Variants in MIDEAS observed in about 807,000 individuals in gnomAD.
The protein encoded by MIDEAS is mitotic deacetylase associated SANT domain protein.
A neutral mutation model predicts 102.7 loss-of-function variants in MIDEAS; 26 were observed. The observed-to-expected ratio is 0.25, with a 90% CI of 0.19 to 0.35. The LOEUF is 0.35. MIDEAS is among the 10% of genes least tolerant of loss of function. The probability of loss-of-function intolerance (pLI) is 1.00; values close to 1 mark genes in which losing one functional copy is unlikely to be tolerated. For synonymous variants in MIDEAS, 585 were observed against 591.0 expected (o/e 0.99, Z 0.15); for missense variants, 1,231 against 1,435.6 (o/e 0.86, Z 2.30).
In MIDEAS at chr14:73,739,238, C is replaced by CTGCTGCTGT. The variant is rs756007023; in HGVS notation, c.762_770dup (p.Gln260_Gln262dup). 5,328 of 1,612,290 alleles carry CTGCTGCTGT rather than the reference C, an allele frequency of 3.3e-3. 75 individuals carry two copies. In the Admixed American group the frequency reaches 0.056, roughly 17 times the overall value. On this transcript the variant is annotated inframe_insertion, in exon 2 of 13. Transcript: ENST00000423556. ...GTAGGGCTGCCTGCTGCTGCTGCTG[C>CTGCTGCTGT]TGCTGCTGTGGTTGCTGCTGCTGCT... is the stretch of plus-strand genomic sequence containing the variant.
At chr14:73,761,094 T>C (rs1344561969), upstream of MIDEAS, among the ~76,000 whole-genome samples, 2 of 151,726 alleles carry the variant, frequency 1.3e-5, no homozygotes, top group Non-Finnish European at 2.9e-5. Flanking sequence ...GTGGTGGTGG[T>C]GGCGGCGGCG....
intron 3 of MIDEAS, among the ~76,000 whole-genome samples, chr14:73,736,609 T>C (rs7401013): frequency 0.81 from 121,135 of 149,960 alleles, 49,311 homozygotes; most frequent in East Asian, 0.94. Flanking sequence ...CCAGCCTGGG[T>C]GACAGAGCAA....
intron 1 of MIDEAS, among the ~76,000 whole-genome samples, chr14:73,741,072 G>A (rs2053275524): frequency 6.6e-6 from 1 of 152,220 alleles, no homozygotes; most frequent in African/African-American, 2.4e-5. Flanking sequence ...GCCAAGAGCT[G>A]GTCAGCAGCT....
upstream of MIDEAS, among the ~76,000 whole-genome samples, chr14:73,764,461 TC>T (rs747504125): frequency 3.8e-4 from 58 of 152,216 alleles, no homozygotes; most frequent in African/African-American, 1.3e-3. Flanking sequence ...AGAGACTTTT[TC>T]TGGCATTGAC....
At chr14:73,779,124 T>A (rs2053721532) in intron 1 of MIDEAS, among the ~76,000 whole-genome samples, 1 of 151,818 alleles carries the variant, frequency 6.6e-6, no homozygotes, top group African/African-American at 2.4e-5. Flanking sequence ...GGTTGGCGCA[T>A]GCCTGTAATC....
intron 1 of MIDEAS, chr14:73,754,815 A>T (rs1405372504): frequency 2.0e-5 from 3 of 152,192 alleles, no homozygotes; most frequent in Non-Finnish European, 2.9e-5. Flanking sequence ...TACCTACTAA[A>T]GAAATGGCAA....
At chr14:73,727,251 T>A (rs2053074561) in intron 5 of MIDEAS, 1 of 642,798 alleles carries the variant, frequency 1.6e-6, no homozygotes, top group Non-Finnish European at 2.7e-6. Flanking sequence ...AAGTTCAAGC[T>A]GAGCCGGTCC....
At chr14:73,731,576 G>A (rs2053140437) in intron 3 of MIDEAS, among the ~76,000 whole-genome samples, 2 of 152,180 alleles carry the variant, frequency 1.3e-5, no homozygotes, top group South Asian at 2.1e-4. Context: ...TTATAATAAG[G>A]GATTTAAACT....
At position 73,771,177 on chromosome 14, in the gene MIDEAS, A is replaced by C. The variant is rs572114262; in HGVS notation, c.-248+15925T>G. Among the ~76,000 whole-genome samples, 6 of 152,284 alleles carry C rather than the reference A, an allele frequency of 3.9e-5. No homozygotes were observed. The South Asian group carries it at 1.2e-3, about 32-fold the overall frequency. On this transcript the variant is annotated intron_variant, in intron 1 of 11. Transcript: ENST00000394071. The stretch of plus-strand genomic sequence containing the variant: ...TCTCCATTTTCTCTCTGACCCTGGC[A>C]CACCTCCAGCCACAAGGTCCTACTT...
At chr14:73,738,451 G>A in intron 2 of MIDEAS, 109 bp downstream of exon 2, 1 of 1,351,442 alleles carries the variant, frequency 7.4e-7, no homozygotes, top group Non-Finnish European at 9.8e-7. Context: ...ACAGGCAGCT[G>A]GCTAGGGCAA....
intron 7 of MIDEAS, 117 bp from the exon 8 acceptor site, chr14:73,726,225 C>T: frequency 1.2e-6 from 1 of 865,066 alleles, no homozygotes; most frequent in Non-Finnish European, 1.9e-6. Flanking sequence ...GCCCCCTTAA[C>T]TGCTGAGAGA....
At chr14:73,744,069 A>G (rs2053318347) in intron 1 of MIDEAS, among the ~76,000 whole-genome samples, 1 of 151,760 alleles carries the variant, frequency 6.6e-6, no homozygotes, top group African/African-American at 2.4e-5. Flanking sequence ...AAAATAAAAA[A>G]CAGTGCTGAC....
chr14:73,772,546 C>T (rs1239776143), intron 1 of MIDEAS, among the ~76,000 whole-genome samples: 2 of 152,152 alleles, frequency 1.3e-5, no homozygotes, highest in Admixed American at 6.5e-5. Context: ...ATGAATTATA[C>T]AGCCACATGA....
At chr14:73,774,807 G>A (rs1378135154) in intron 1 of MIDEAS, among the ~76,000 whole-genome samples, 1 of 151,990 alleles carries the variant, frequency 6.6e-6, no homozygotes, top group Non-Finnish European at 1.5e-5. Flanking sequence ...AGCTCACCAA[G>A]CACACAGTCC....
At chr14:73,781,109 G>T (rs988317882) in intron 1 of MIDEAS, among the ~76,000 whole-genome samples, 7 of 152,204 alleles carry the variant, frequency 4.6e-5, no homozygotes, top group Non-Finnish European at 8.8e-5. Flanking sequence ...AATGGGGTTT[G>T]TGCCTGACTC....
chr14:73,739,611 G>A lies in MIDEAS; in HGVS notation c.398C>T (p.Thr133Ile). The change falls in exon 2 of 13, where the codon ACA (threonine) becomes ATA (isoleucine). Residue 133 changes from threonine (T) to isoleucine (I), a missense_variant. Transcript: ENST00000423556. ...GAGGGACAGACTGTGGCAGTTCCATGTTGAATGGGGTGGAGGCTGGCCTGG... is the reference window on the plus strand; with the variant it reads ...GAGGGACAGACTGTGGCAGTTCCATATTGAATGGGGTGGAGGCTGGCCTGG... Reference protein sequence around the residue: ...QQPGQPPPHSTWNCHSLSLYS... With the variant: ...QQPGQPPPHSIWNCHSLSLYS... 5 of 1,614,084 alleles carry A rather than the reference G, an allele frequency of 3.1e-6. No individual in the cohort carries two copies. The highest frequency in any genetic ancestry group is 4.2e-6 in the Non-Finnish European group (5 of 1,179,980).
upstream of MIDEAS, chr14:73,787,348 C>A: frequency 6.6e-6 from 1 of 151,444 alleles, no homozygotes; most frequent in South Asian, 2.0e-4. Flanking sequence ...CGCCGTCTCC[C>A]CACTCTGCGC....
chr14:73,783,336 G>A (rs1341210921), intron 1 of MIDEAS, among the ~76,000 whole-genome samples: 1 of 152,184 alleles, frequency 6.6e-6, no homozygotes, highest in East Asian at 1.9e-4. Context: ...GAGCCAAGCG[G>A]ATGAGAGGAA....
Position 73,725,364 on chromosome 14 carries a change from T to G in MIDEAS, c.2486-4A>C. On this transcript the variant is annotated splice_region_variant and splice_polypyrimidine_tract_variant and intron_variant, in intron 8 of 12. Transcript: ENST00000423556. The surrounding 1 kb of genome is among the most constrained non-coding windows in gnomAD (Gnocchi z 4.1). ...GCCATCTTCCACTGGTCAGAGCCTA[T>G]GGGGCAAAGAGGCAGCCAGGGAGTG... The G allele has an allele frequency of 1.9e-6, 3 of 1,613,610 alleles. No homozygotes were observed. The highest frequency in any genetic ancestry group is 2.5e-6 in the Non-Finnish European group (3 of 1,179,642).
Sources: allele counts gnomAD v4.1 joint callset (sites outside exome capture counted in the v4.1 genomes callset), GRCh38; gene constraint gnomAD v4.1.1; non-coding constraint Gnocchi (gnomAD v3.1); transcripts MANE v1.5; gene names NCBI Gene and HGNC (gene_info 2026-07-23, HGNC 2026-07-21).